The following MYH11 variants were observed in gnomAD, a reference collection of about 807,000 sequenced individuals.
MYH11 encodes the protein myosin heavy chain 11, also known as myosin-11.
A neutral mutation model predicts 246.6 loss-of-function variants in MYH11; 80 were observed. That is an observed-to-expected ratio of 0.32 (90% CI 0.27 to 0.39). MYH11 has a LOEUF of 0.39. MYH11 is among the 10% of genes least tolerant of loss of function. The pLI, the probability that MYH11 is intolerant of heterozygous loss-of-function variation, is 1.00. For synonymous variants in MYH11, 1,071 were observed against 1,015.5 expected (o/e 1.05, Z -1.04); for missense variants, 2,158 against 2,546.8 (o/e 0.85, Z 3.29).
At chr16:15,764,408 C>T (rs2041936432) in intron 9 of MYH11, among the ~76,000 whole-genome samples, 1 of 151,978 alleles carries the variant, frequency 6.6e-6, no homozygotes, top group African/African-American at 2.4e-5. Context: ...CTTTGGGAGG[C>T]TGAGGTGGGA....
rs546241601 is a variant in MYH11 at position 15,824,155 on chromosome 16, A to C, written c.346-744T>G. On this transcript the variant is annotated intron_variant, in intron 2 of 40. Coordinates refer to ENST00000300036, the MANE Select transcript of MYH11 (RefSeq NM_002474.3). ...GGCACAGAAAATGAACAGTGTGCTTAAGATATTAACTCAGGAACATTTAAT... is the reference window on the plus strand; with the variant it reads ...GGCACAGAAAATGAACAGTGTGCTTCAGATATTAACTCAGGAACATTTAAT... Among the ~76,000 whole-genome samples, 10 of 152,336 alleles carry C rather than the reference A, an allele frequency of 6.6e-5. 1 individual carries two copies. In the South Asian group the frequency reaches 2.1e-3, roughly 32 times the overall value.
At chr16:15,782,650 G>A (rs2151303348) in intron 5 of MYH11, 173 bp from the exon 6 acceptor site, 1 of 626,144 alleles carries the variant, frequency 1.6e-6, no homozygotes, top group African/African-American at 1.8e-5. Flanking sequence ...TTTCAGAAGA[G>A]AAGCAACTGT....
At chr16:15,778,147 C>A (rs1008573509) in intron 7 of MYH11, among the ~76,000 whole-genome samples, 3 of 152,174 alleles carry the variant, frequency 2.0e-5, no homozygotes, top group African/African-American at 7.2e-5. Flanking sequence ...CCCCCACGTC[C>A]AGAAATTTCT....
intron 2 of MYH11, among the ~76,000 whole-genome samples, chr16:15,837,683 C>G (rs2043934740): frequency 6.6e-6 from 1 of 152,046 alleles, no homozygotes; most frequent in African/African-American, 2.4e-5. Flanking sequence ...TACAGATGCG[C>G]ACCACCACCC....
intron 26 of MYH11, among the ~76,000 whole-genome samples, chr16:15,733,543 TTTTG>T (rs1171229606): frequency 9.5e-5 from 14 of 147,726 alleles, no homozygotes; most frequent in South Asian, 2.2e-4. Context: ...TGGTTTTTTG[TTTTG>T]TTTGTTTGTT....
At position 15,767,501 on chromosome 16, in the gene MYH11, T is replaced by C. The variant is rs550678946; in HGVS notation, c.1034-3610A>G. On this transcript the variant is annotated intron_variant, in intron 9 of 40. Coordinates refer to ENST00000300036, the MANE Select transcript of MYH11 (RefSeq NM_002474.3). ...GTTACATTTATTTTTTTTTCCTTTT[T>C]GTGGATACCGGGGTCTCACTATATT... Among the ~76,000 whole-genome samples, 4 of 152,124 alleles carry C rather than the reference T, an allele frequency of 2.6e-5. No homozygotes were observed. In the East Asian group the frequency reaches 7.7e-4, roughly 29 times the overall value.
At chr16:15,782,268 A>G in intron 6 of MYH11, 117 bp downstream of exon 6, 1 of 823,048 alleles carries the variant, frequency 1.2e-6, no homozygotes, top group South Asian at 1.4e-5. Flanking sequence ...TGTGAGATAC[A>G]GCCCATCTCT....
intron 4 of MYH11, among the ~76,000 whole-genome samples, chr16:15,790,248 T>C (rs962454886): frequency 3.3e-5 from 5 of 152,014 alleles, no homozygotes; most frequent in Non-Finnish European, 1.5e-5. Context: ...GAGATTACAG[T>C]GAGCTGAGCT....
At chr16:15,762,647 C>T (rs190610595) in intron 10 of MYH11, among the ~76,000 whole-genome samples, 1 of 152,222 alleles carries the variant, frequency 6.6e-6, no homozygotes. Flanking sequence ...CCAATCAGCA[C>T]CCCCAACTCA....
At chr16:15,810,471 A>T (rs183412447) in intron 3 of MYH11, among the ~76,000 whole-genome samples, 1 of 152,016 alleles carries the variant, frequency 6.6e-6, no homozygotes, top group East Asian at 1.9e-4. Flanking sequence ...CCAAACAGAC[A>T]CTCCTAGCAC....
intron 40 of MYH11, among the ~76,000 whole-genome samples, chr16:15,711,591 G>A (rs542165886): frequency 6.6e-6 from 1 of 152,224 alleles, no homozygotes; most frequent in African/African-American, 2.4e-5. Flanking sequence ...ATTAAAGGTA[G>A]TAAGAGGCTC....
chr16:15,721,944 G>A (rs980208265), intron 31 of MYH11, among the ~76,000 whole-genome samples: 4 of 151,970 alleles, frequency 2.6e-5, no homozygotes, highest in Admixed American at 1.3e-4. Context: ...TGCAACCTCC[G>A]CCTCGTGGGT....
chr16:15,834,628 C>T (rs1329968645), intron 2 of MYH11, among the ~76,000 whole-genome samples: 2 of 151,984 alleles, frequency 1.3e-5, no homozygotes, highest in African/African-American at 4.8e-5. Flanking sequence ...AGACAAGAGA[C>T]TTCCCCTACT....
chr16:15,851,686 G>A (rs982446939), intron 1 of MYH11, among the ~76,000 whole-genome samples: 1 of 152,092 alleles, frequency 6.6e-6, no homozygotes, highest in South Asian at 2.1e-4. Flanking sequence ...GAAAAAAAGT[G>A]AATGGTGAAC....
intron 7 of MYH11, among the ~76,000 whole-genome samples, chr16:15,776,763 G>C (rs559061782): frequency 6.6e-6 from 1 of 152,206 alleles, no homozygotes; most frequent in South Asian, 2.1e-4. Flanking sequence ...GGAGGCGAGA[G>C]AGACCGTAAA....
intron 19 of MYH11, among the ~76,000 whole-genome samples, chr16:15,745,697 C>T (rs940533383): frequency 6.7e-6 from 1 of 149,878 alleles, no homozygotes; most frequent in Middle Eastern, 3.2e-3. Flanking sequence ...AAGTGATTCT[C>T]CTGCTTCAGC....
rs1268824781 is a variant in MYH11 at position 15,823,246 on chromosome 16, T to C, written c.502+9A>G. 7.4e-6 allele frequency: 12 copies of C among 1,613,934 alleles called. No individual in the cohort carries two copies. In the Middle Eastern group the frequency reaches 5.0e-4, roughly 67 times the overall value. Reference sequence around the variant, plus strand: ...GGAGCTGGCCCCGTGCAGCCCTGAGTTCACTCACCTTGAAGCATGCTCCGG... The same window carrying C: ...GGAGCTGGCCCCGTGCAGCCCTGAGCTCACTCACCTTGAAGCATGCTCCGG... On this transcript the variant is annotated intron_variant, in intron 3 of 40. Transcript: ENST00000300036.
intron 14 of MYH11, among the ~76,000 whole-genome samples, chr16:15,754,370 A>G (rs905472323): frequency 2.6e-5 from 4 of 152,240 alleles, no homozygotes; most frequent in African/African-American, 9.6e-5. Context: ...GACAATGCCC[A>G]AAGCCGTAAT....
intron 40 of MYH11, among the ~76,000 whole-genome samples, chr16:15,707,430 C>G (rs1489464953): frequency 6.6e-6 from 1 of 152,150 alleles, no homozygotes; most frequent in African/African-American, 2.4e-5. Flanking sequence ...TTCCCACTGA[C>G]CAGTGGGTTC....
Sources: gnomAD v4.1 joint callset for allele counts (sites outside exome capture counted in the v4.1 genomes callset) on GRCh38, gnomAD v4.1.1 for gene constraint, MANE v1.5 for transcripts, NCBI Gene and HGNC (gene_info 2026-07-23, HGNC 2026-07-21) for gene names.